The following GAB1 variants were observed in gnomAD, a reference collection of about 807,000 sequenced individuals.
GAB1 encodes the protein GRB2 associated binding protein 1.
In GAB1, 19 loss-of-function variants were observed where a neutral mutation model predicts 66.5. That is an observed-to-expected ratio of 0.29 (90% CI 0.20 to 0.42). The LOEUF (loss-of-function observed/expected upper bound fraction) is 0.42. Among genes scored for constraint, GAB1 ranks in the 10% least tolerant of loss-of-function variants. GAB1 has a pLI of 1.00. For synonymous variants in GAB1, 294 were observed against 301.4 expected (o/e 0.98, Z 0.25); for missense variants, 732 against 858.5 (o/e 0.85, Z 1.84).
intron 1 of GAB1, chr4:143,394,678 ACTT>A (rs1312555849): frequency 1.3e-5 from 2 of 152,112 alleles, no homozygotes; most frequent in African/African-American, 4.8e-5. Flanking sequence ...CATGTTTAAT[ACTT>A]CTTTATTCTG....
intron 8 of GAB1, among the ~76,000 whole-genome samples, chr4:143,461,265 A>G (rs1289446937): frequency 1.3e-5 from 2 of 152,208 alleles, no homozygotes; most frequent in African/African-American, 4.8e-5. Context: ...TTCCCCTCTG[A>G]GTAAAAGAAA....
At chr4:143,427,229 T>G (rs1733408674) in intron 2 of GAB1, among the ~76,000 whole-genome samples, 1 of 152,154 alleles carries the variant, frequency 6.6e-6, no homozygotes, top group Non-Finnish European at 1.5e-5. Flanking sequence ...TCTAACTGCC[T>G]TTATAATAAG....
intron 1 of GAB1, among the ~76,000 whole-genome samples, chr4:143,350,833 AC>A (rs1729177130): frequency 6.6e-6 from 1 of 152,348 alleles, no homozygotes; most frequent in East Asian, 1.9e-4. Context: ...CTGTTTGACT[AC>A]TACGCACATT....
chr4:143,370,669 G>A (rs540489823), intron 1 of GAB1, among the ~76,000 whole-genome samples: 29 of 152,198 alleles, frequency 1.9e-4, no homozygotes, highest in African/African-American at 5.3e-4. Flanking sequence ...ATTTACATTA[G>A]GTATATCTCC....
chr4:143,408,448 A>G (rs1371810896), intron 1 of GAB1, among the ~76,000 whole-genome samples: 1 of 152,200 alleles, frequency 6.6e-6, no homozygotes, highest in Non-Finnish European at 1.5e-5. Flanking sequence ...GTGTGTTTGT[A>G]TAAACACACA....
At chr4:143,448,288 G>A (rs1287874715) in intron 6 of GAB1, among the ~76,000 whole-genome samples, 1 of 151,866 alleles carries the variant, frequency 6.6e-6, no homozygotes, top group Non-Finnish European at 1.5e-5. Context: ...TTTGGTATCA[G>A]GATGATGCTG....
chr4:143,419,079 G>C (rs2149723360), intron 2 of GAB1, among the ~76,000 whole-genome samples: 1 of 152,214 alleles, frequency 6.6e-6, no homozygotes, highest in East Asian at 1.9e-4. Flanking sequence ...TAGTTAAGGA[G>C]ACAAAAGGTA....
In GAB1 at chr4:143,435,896, C is replaced by G. The variant is rs546893742; in HGVS notation, c.594-2103C>G. Among the ~76,000 whole-genome samples the G allele has an allele frequency of 4.5e-4, 69 of 152,284 alleles. No homozygotes were observed. In the South Asian group the frequency reaches 0.011, roughly 25 times the overall value. On this transcript the variant is annotated intron_variant, in intron 3 of 9. Transcript: ENST00000262994. ...CTCCCAAGTTAGCTTAAATATCTTT[C>G]TGGGTTTTTATAGCATCCTGGTTAT... is the stretch of plus-strand genomic sequence containing the variant.
At chr4:143,460,907 C>CA (rs1735460376) in intron 8 of GAB1, among the ~76,000 whole-genome samples, 2 of 152,218 alleles carry the variant, frequency 1.3e-5, no homozygotes, top group Admixed American at 6.5e-5. Flanking sequence ...ATACGGGCAG[C>CA]ATTTTATGAT....
chr4:143,395,061 T>C (rs990145333), intron 1 of GAB1: 11 of 152,240 alleles, frequency 7.2e-5, no homozygotes, highest in African/African-American at 2.7e-4. Context: ...CCATAGGGAC[T>C]GTGTTAAGAA....
At chr4:143,436,878 G>A (rs1311635644) in intron 3 of GAB1, among the ~76,000 whole-genome samples, 3 of 152,142 alleles carry the variant, frequency 2.0e-5, no homozygotes, top group African/African-American at 7.2e-5. Flanking sequence ...ATGAAGTTCT[G>A]AAAAAGGAGG....
intron 1 of GAB1, among the ~76,000 whole-genome samples, chr4:143,399,480 G>T (rs1731637270): frequency 6.6e-6 from 1 of 152,162 alleles, no homozygotes; most frequent in African/African-American, 2.4e-5. Context: ...TATTGTTGTT[G>T]TGTTTTTGTT....
intron 6 of GAB1, among the ~76,000 whole-genome samples, chr4:143,455,690 A>T (rs1735150702): frequency 6.6e-6 from 1 of 152,304 alleles, no homozygotes; most frequent in Non-Finnish European, 1.5e-5. Flanking sequence ...ACATCTGTAA[A>T]TTCAGAGTAG....
At chr4:143,394,790 C>T (rs1167587692) in intron 1 of GAB1, 1 of 152,172 alleles carries the variant, frequency 6.6e-6, no homozygotes, top group East Asian at 1.9e-4. Context: ...GTAATTCATT[C>T]TCTCTTTTTC....
At chr4:143,425,681 A>C (rs1733314269) in intron 2 of GAB1, 2 of 759,924 alleles carry the variant, frequency 2.6e-6, no homozygotes, top group Non-Finnish European at 4.8e-6. Context: ...TTAAAAAAGA[A>C]GAGCAGGCTG....
intron 1 of GAB1, among the ~76,000 whole-genome samples, chr4:143,391,803 A>T (rs1325509860): frequency 6.6e-6 from 1 of 152,210 alleles, no homozygotes; most frequent in Non-Finnish European, 1.5e-5. Flanking sequence ...TCAGGTAAAA[A>T]TTAACTATTA....
chr4:143,370,997 C>A (rs964569242), intron 1 of GAB1, among the ~76,000 whole-genome samples: 1 of 152,092 alleles, frequency 6.6e-6, no homozygotes, highest in East Asian at 1.9e-4. Context: ...TGAATAGTGA[C>A]GCAATAAACA....
chr4:143,415,317 G>A lies in GAB1; in HGVS notation c.73-160G>A, dbSNP rs1044257720. Among the ~76,000 whole-genome samples the A allele has an allele frequency of 4.6e-5, 7 of 152,268 alleles. No individual in the cohort carries two copies. The South Asian group carries it at 6.2e-4, about 14-fold the overall frequency. Reference sequence around the variant, plus strand: ...AGTTATGAGTAAACGTTGCTTTTCAGAGTGGCAGATTATCCTGTGGTAAAA... The same window carrying A: ...AGTTATGAGTAAACGTTGCTTTTCAAAGTGGCAGATTATCCTGTGGTAAAA... On this transcript the variant is annotated intron_variant, in intron 1 of 9. Coordinates refer to ENST00000262994, the MANE Select transcript of GAB1 (RefSeq NM_002039.4).
chr4:143,396,793 A>G (rs1731477466), intron 1 of GAB1, among the ~76,000 whole-genome samples: 1 of 152,134 alleles, frequency 6.6e-6, no homozygotes, highest in Non-Finnish European at 1.5e-5. Context: ...ATAAATACTA[A>G]TTTTAAAAAC....
Sources: gnomAD v4.1 joint callset for allele counts (sites outside exome capture counted in the v4.1 genomes callset) on GRCh38, gnomAD v4.1.1 for gene constraint, MANE v1.5 for transcripts, NCBI Gene and HGNC (gene_info 2026-07-23, HGNC 2026-07-21) for gene names.